CDH7: variants seen among roughly 807,000 people sequenced by gnomAD.
CDH7 encodes the protein cadherin 7.
A neutral mutation model predicts 71.8 loss-of-function variants in CDH7; 25 were observed. The observed-to-expected ratio is 0.35, with a 90% CI of 0.25 to 0.49. The LOEUF (loss-of-function observed/expected upper bound fraction) is 0.49, where lower values mean the gene tolerates loss of function less well. Among genes scored for constraint, CDH7 ranks in the 20% least tolerant of loss-of-function variants. CDH7 has a pLI of 0.99. For synonymous variants in CDH7, 381 were observed against 363.8 expected, an observed-to-expected ratio of 1.05 and a Z score of -0.54; for missense variants, 862 against 974.6, an observed-to-expected ratio of 0.88 and a Z score of 1.54.
intron 1 of CDH7, among the ~76,000 whole-genome samples, chr18:65,758,712 A>G (rs1476512704): frequency 6.6e-6 from 1 of 152,208 alleles, no homozygotes; most frequent in Non-Finnish European, 1.5e-5. Context: ...AATATAATGG[A>G]ATTTTCTTGA....
chr18:65,810,395 A>G (rs1911490437), intron 3 of CDH7, among the ~76,000 whole-genome samples: 1 of 152,150 alleles, frequency 6.6e-6, no homozygotes, highest in South Asian at 2.1e-4. Flanking sequence ...TAAGATATTG[A>G]TTCATTGTTC....
At position 65,809,905 on chromosome 18, in the gene CDH7, G is replaced by C; in HGVS notation, c.412G>C (p.Glu138Gln). ...LTNKPVEPES[E>Q]FVIKIQDIND... ...CAACAAACCCGTGGAGCCCGAGTCG[G>C]AGTTTGTCATCAAAATTCAGGATAT... Residue 138 changes from glutamate to glutamine, a missense_variant, in exon 3 of 12, where the codon GAG (glutamate) becomes CAG (glutamine). Transcript: ENST00000397968. 10 of 1,614,068 alleles carry C rather than the reference G, an allele frequency of 6.2e-6. No homozygotes were observed. The highest frequency in any genetic ancestry group is 8.5e-6 in the Non-Finnish European group (10 of 1,179,998).
intron 2 of CDH7, among the ~76,000 whole-genome samples, chr18:65,775,279 G>C (rs1333213091): frequency 6.6e-6 from 1 of 152,144 alleles, no homozygotes; most frequent in East Asian, 1.9e-4. Context: ...GTGAGTCTCA[G>C]CATTGCTATT....
At chr18:65,814,328 A>C (rs1911646071) in intron 3 of CDH7, among the ~76,000 whole-genome samples, 157 bp from the exon 4 acceptor site, 1 of 150,238 alleles carries the variant, frequency 6.7e-6, no homozygotes, top group Admixed American at 6.7e-5. Context: ...GGGCTGGTTT[A>C]CTTAAAAAAA....
chr18:65,824,580 A>G, intron 5 of CDH7, 64 bp from the exon 6 acceptor site: 2 of 1,075,006 alleles, frequency 1.9e-6, no homozygotes, highest in Non-Finnish European at 2.6e-6. Context: ...AAAATAACCC[A>G]ATATTTAAAT....
chr18:65,877,613 T>C (rs1914109600), intron 11 of CDH7, among the ~76,000 whole-genome samples: 1 of 152,106 alleles, frequency 6.6e-6, no homozygotes, highest in Non-Finnish European at 1.5e-5. Flanking sequence ...AATTATGCTG[T>C]TCAACATGTG....
At chr18:65,784,413 C>G (rs954904967) in intron 2 of CDH7, among the ~76,000 whole-genome samples, 3 of 152,060 alleles carry the variant, frequency 2.0e-5, no homozygotes. Context: ...GCCTACTATG[C>G]TTGAGGAAGT....
intron 6 of CDH7, among the ~76,000 whole-genome samples, chr18:65,834,884 T>A (rs1036515458): frequency 1.3e-5 from 2 of 152,248 alleles, no homozygotes; most frequent in Non-Finnish European, 2.9e-5. Flanking sequence ...TCTTTCTATC[T>A]GTGGTTGTAT....
In CDH7 at chr18:65,885,055, T is replaced by G. The variant is rs2144081880; in HGVS notation, c.*4161T>G. The G allele has an allele frequency of 6.6e-6, 1 of 152,304 alleles. No individual in the cohort carries two copies. The highest frequency in any genetic ancestry group is 2.4e-5 in the African/African-American group (1 of 41,578). The allele number at this position is 152,304 out of a possible 1,614,324, so 9.4% of individuals were successfully genotyped here. ...TTATTAATAATGTATATTGTGTGTA[T>G]ATATGACGGTGTATGAAAGTTGGCA... is the stretch of plus-strand genomic sequence containing the variant. On this transcript the variant is annotated 3_prime_UTR_variant, in exon 12 of 12. Coordinates refer to ENST00000397968, the MANE Select transcript of CDH7 (RefSeq NM_004361.5).
chr18:65,869,545 A>ATTTTTTTTTTTTTTT (rs10696115), intron 11 of CDH7, among the ~76,000 whole-genome samples: 8 of 91,372 alleles, frequency 8.8e-5, no homozygotes, highest in Non-Finnish European at 1.5e-4. Flanking sequence ...AAGTGGGTCA[A>ATTTTTTTTTTTTTTT]TTTTTTTTTT....
chr18:65,885,122 A>C lies in CDH7; in HGVS notation c.*4228A>C, dbSNP rs1423773005. On this transcript the variant is annotated 3_prime_UTR_variant, in exon 12 of 12. Transcript: ENST00000397968. ...TCATGTTAGTCGGCTGGATATAATA[A>C]AGAACAAGAAAGGAATAATAGCATT... 1 of 152,122 alleles carries C rather than the reference A, an allele frequency of 6.6e-6. No homozygotes were observed. Among genetic ancestry groups the C allele is most frequent in the Non-Finnish European group, 1.5e-5 (1 of 68,008 alleles). 9.4% of individuals were successfully genotyped at this position (152,122 alleles called of 1,614,324 possible). A position where few individuals can be genotyped will look rare whatever the true frequency, so the allele number is the denominator to read the frequency against.
At chr18:65,813,096 G>A (rs145152077) in intron 3 of CDH7, among the ~76,000 whole-genome samples, 228 of 152,334 alleles carry the variant, frequency 1.5e-3, no homozygotes, top group African/African-American at 5.4e-3. Context: ...ACTTTGGGAG[G>A]CCAAGGTGGG....
rs926074656 is a variant in CDH7, at chr18:65,775,816, A to T, written c.210+12764A>T. On this transcript the variant is annotated intron_variant, in intron 2 of 11. Transcript: ENST00000397968. The stretch of plus-strand genomic sequence containing the variant: ...GAAGAACTCAAGCAAGAGTTATCAC[A>T]TTGGCCACTTGGTGACAACAGCCAA... Among the ~76,000 whole-genome samples the T allele has an allele frequency of 1.3e-5, 2 of 152,168 alleles. 1 individual carries two copies. Among genetic ancestry groups the T allele is most frequent in the Admixed American group, 1.3e-4 (2 of 15,260 alleles).
Position 65,806,148 on chromosome 18 carries a change from ATATTTCTTAC to A in CDH7, c.211-3555_211-3546del, listed in dbSNP as rs540632869. On this transcript the variant is annotated intron_variant, in intron 2 of 11. Coordinates refer to ENST00000397968, the MANE Select transcript of CDH7 (RefSeq NM_004361.5). ...TATGTAGTTTATGAGAGTCTGATTG[ATATTTCTTAC>A]ATATTAATACATGATGCTGACATAA... Among the ~76,000 whole-genome samples, 96 of 152,270 alleles carry A rather than the reference ATATTTCTTAC, an allele frequency of 6.3e-4. 2 individuals are homozygous for A. The South Asian group carries it at 0.02, about 31-fold the overall frequency.
At chr18:65,870,403 C>G (rs191770808) in intron 11 of CDH7, among the ~76,000 whole-genome samples, 2 of 152,274 alleles carry the variant, frequency 1.3e-5, no homozygotes, top group East Asian at 3.9e-4. Context: ...TGATCACAAC[C>G]AGACAGTGGT....
At position 65,859,850 on chromosome 18, in the gene CDH7, T is replaced by A. The variant is rs1913501468; in HGVS notation, c.1612+25T>A. The stretch of plus-strand genomic sequence containing the variant: ...GGTAATGTATTAATATTGTTACCGA[T>A]AGAGGCAGCAGGTACAGATACTCTA... On this transcript the variant is annotated intron_variant, in intron 10 of 11. Coordinates refer to ENST00000397968, the MANE Select transcript of CDH7 (RefSeq NM_004361.5). The A allele has an allele frequency of 3.1e-6, 4 of 1,282,904 alleles. No homozygotes were observed. The East Asian group carries it at 9.2e-5, about 30-fold the overall frequency. 79.5% of individuals were successfully genotyped at this position (1,282,904 alleles called of 1,614,324 possible). A position where few individuals can be genotyped will look rare whatever the true frequency, so the allele number is the denominator to read the frequency against.
chr18:65,826,455 T>G (rs1221633617), intron 6 of CDH7, among the ~76,000 whole-genome samples: 1 of 151,320 alleles, frequency 6.6e-6, no homozygotes, highest in Non-Finnish European at 1.5e-5. Flanking sequence ...TTAAGGAATT[T>G]TCATCCATCA....
At chr18:65,871,686 A>T (rs1038092484) in intron 11 of CDH7, among the ~76,000 whole-genome samples, 3 of 152,202 alleles carry the variant, frequency 2.0e-5, no homozygotes, top group Admixed American at 2.0e-4. Context: ...CGTTAATGAG[A>T]TTAAACTTAG....
At chr18:65,878,093 C>G (rs1446339418) in intron 11 of CDH7, among the ~76,000 whole-genome samples, 1 of 152,098 alleles carries the variant, frequency 6.6e-6, no homozygotes, top group African/African-American at 2.4e-5. Context: ...GGGAAAACAC[C>G]TACCCCAGAG....
Sources: allele counts gnomAD v4.1 joint callset (sites outside exome capture counted in the v4.1 genomes callset), GRCh38; gene constraint gnomAD v4.1.1; transcripts MANE v1.5; gene names NCBI Gene and HGNC (gene_info 2026-07-23, HGNC 2026-07-21).